Variants in STARD3 observed in about 807,000 individuals in gnomAD.
STARD3 encodes stAR-related lipid transfer protein 3.
STARD3 carries 39 observed loss-of-function variants against 62.0 expected under a neutral mutation model. The observed-to-expected ratio is 0.63, with a 90% CI of 0.49 to 0.82. STARD3 has a LOEUF of 0.82. Among genes scored for constraint, STARD3 ranks in the 40% least tolerant of loss-of-function variants. The probability of loss-of-function intolerance (pLI) is 0.00; values close to 1 mark genes in which losing one functional copy is unlikely to be tolerated. For synonymous variants in STARD3, 229 were observed against 242.4 expected (o/e 0.94, Z 0.51); for missense variants, 543 against 584.5 (o/e 0.93, Z 0.73).
At chr17:39,646,131 A>C (rs1423866086) in intron 1 of STARD3, among the ~76,000 whole-genome samples, 1 of 151,880 alleles carries the variant, frequency 6.6e-6, no homozygotes, top group Non-Finnish European at 1.5e-5. Context: ...ACCTCAGGTG[A>C]TCACCTGCCT....
intron 6 of STARD3, 98 bp downstream of exon 6, chr17:39,658,620 C>T (rs551645059): frequency 6.4e-7 from 1 of 1,571,706 alleles, no homozygotes; most frequent in Non-Finnish European, 8.7e-7. Flanking sequence ...ATCTCGCCAC[C>T]TCTGAGCAGC....
At chr17:39,653,316 C>G (rs1057179537) in intron 1 of STARD3, 165 bp from the exon 2 acceptor site, 1 of 605,384 alleles carries the variant, frequency 1.7e-6, no homozygotes, top group Non-Finnish European at 2.9e-6. Flanking sequence ...AACCCTGCAG[C>G]CTGGGAGCCA....
intron 1 of STARD3, chr17:39,653,273 CA>C (rs2057094210): frequency 1.8e-6 from 1 of 563,536 alleles, no homozygotes; most frequent in East Asian, 3.0e-5. Context: ...CAGGGAGCAC[CA>C]GGAAGGAGGA....
chr17:39,659,577 C>T, intron 9 of STARD3, 24 bp downstream of exon 9: 1 of 1,607,888 alleles, frequency 6.2e-7, no homozygotes, highest in South Asian at 1.1e-5. Flanking sequence ...TCCCACCTGA[C>T]CTTCCCATGC....
intron 1 of STARD3, among the ~76,000 whole-genome samples, chr17:39,648,872 C>T (rs1047104038): frequency 6.6e-6 from 1 of 152,166 alleles, no homozygotes; most frequent in Non-Finnish European, 1.5e-5. Flanking sequence ...ACTCCAAGTG[C>T]GTCTCACACC....
chr17:39,651,417 CA>C, intron 1 of STARD3, among the ~76,000 whole-genome samples: 1 of 152,204 alleles, frequency 6.6e-6, no homozygotes, highest in Non-Finnish European at 1.5e-5. Context: ...AGATCAGGGA[CA>C]AACATCTAGA....
intron 2 of STARD3, 46 bp downstream of exon 2, chr17:39,653,796 C>G (rs570311294): frequency 6.2e-7 from 1 of 1,606,318 alleles, no homozygotes; most frequent in East Asian, 2.2e-5. Context: ...GCAGGCCACC[C>G]GGGCCTCAGT....
intron 4 of STARD3, 54 bp from the exon 5 acceptor site, chr17:39,657,919 A>G (rs1465719560): frequency 7.4e-6 from 12 of 1,612,036 alleles, no homozygotes; most frequent in African/African-American, 5.3e-5. Flanking sequence ...GGGATGGAGG[A>G]GGACTCACTT....
Position 39,661,003 on chromosome 17 carries a change from A to G in STARD3, c.1057A>G (p.Ile353Val), listed in dbSNP as rs2057191509. 1 of 1,613,656 alleles carries G rather than the reference A, an allele frequency of 6.2e-7. No homozygotes were observed. Among genetic ancestry groups the G allele is most frequent in the South Asian group, 1.1e-5 (1 of 91,086 alleles). ...CAGGGACTTCGTGAATGTCCGGCGCATTGAGCGGCGCAGGGACCGATACTT... is the reference window on the plus strand; with the variant it reads ...CAGGGACTTCGTGAATGTCCGGCGCGTTGAGCGGCGCAGGGACCGATACTT... Reference protein sequence around the residue: ...SPRDFVNVRRIERRRDRYLSS... With the variant: ...SPRDFVNVRRVERRRDRYLSS... The change falls in exon 13 of 15, where the codon ATT becomes GTT. Residue 353 changes from isoleucine (I) to valine (V), a missense_variant. Coordinates refer to ENST00000336308, the MANE Select transcript of STARD3 (RefSeq NM_006804.4).
rs2057134770 is a variant in STARD3, at chr17:39,656,810, A to G, written c.220-198A>G. 8.6e-6 allele frequency: 5 copies of G among 582,452 alleles called. No individual in the cohort carries two copies. The South Asian group carries it at 1.0e-4, about 12-fold the overall frequency. 36.1% of individuals were successfully genotyped at this position (582,452 alleles called of 1,614,324 possible). On this transcript the variant is annotated intron_variant, in intron 2 of 14. Transcript: ENST00000336308. ...TCGGGGCGGCCTGGATCCTTAGAGG[A>G]CTGGTATTGGTGCCTGAGGTCTCTG...
At chr17:39,643,509 G>C (rs1282035662) in intron 1 of STARD3, among the ~76,000 whole-genome samples, 1 of 152,158 alleles carries the variant, frequency 6.6e-6, no homozygotes, top group Non-Finnish European at 1.5e-5. Flanking sequence ...TGGCCAGCTG[G>C]ATCTGTGTCT....
At chr17:39,648,012 G>A (rs371452515) in intron 1 of STARD3, among the ~76,000 whole-genome samples, 71 of 152,148 alleles carry the variant, frequency 4.7e-4, no homozygotes, top group African/African-American at 1.5e-3. Flanking sequence ...ATGGCCGGCC[G>A]CGGTGGCTCA....
chr17:39,639,393 G>C (rs1246317367), intron 1 of STARD3, among the ~76,000 whole-genome samples: 1 of 152,240 alleles, frequency 6.6e-6, no homozygotes, highest in Non-Finnish European at 1.5e-5. Flanking sequence ...ATTAAATCTA[G>C]AGAAATGTAT....
At chr17:39,639,243 C>T (rs1265131026) in intron 1 of STARD3, among the ~76,000 whole-genome samples, 1 of 152,120 alleles carries the variant, frequency 6.6e-6, no homozygotes, top group Non-Finnish European at 1.5e-5. Context: ...TGGCTCTTTG[C>T]CAATAAATAA....
At chr17:39,659,017 C>G (rs766991293) in intron 7 of STARD3, 34 bp from the exon 8 acceptor site, 1 of 1,613,918 alleles carries the variant, frequency 6.2e-7, no homozygotes, top group East Asian at 2.2e-5. Context: ...TCTCCCCACC[C>G]CTTGCCATTG....
At chr17:39,638,413 C>T (rs1035386558) in intron 1 of STARD3, among the ~76,000 whole-genome samples, 6 of 152,216 alleles carry the variant, frequency 3.9e-5, no homozygotes, top group African/African-American at 1.4e-4. Flanking sequence ...CTAGCAGTCT[C>T]CTGTGTGCAC....
At chr17:39,649,865 C>CAAAAAA (rs10713558) in intron 1 of STARD3, among the ~76,000 whole-genome samples, 2 of 85,002 alleles carry the variant, frequency 2.4e-5, no homozygotes, top group African/African-American at 9.7e-5. Context: ...GACTCCGTCT[C>CAAAAAA]AAAAAAAAAA....
intron 9 of STARD3, chr17:39,659,808 G>T: frequency 2.0e-6 from 1 of 493,906 alleles, no homozygotes; most frequent in Non-Finnish European, 3.6e-6. Context: ...AGGCTTTGAA[G>T]GGGAAGCCAG....
chr17:39,644,338 G>A lies in STARD3; in HGVS notation c.-52+7107G>A, dbSNP rs116259123. On this transcript the variant is annotated intron_variant, in intron 1 of 14. Transcript: ENST00000336308. ...GCTAGGAGGTGGGGAAGAGCCAGGA[G>A]ACTCGAAGTGGTGGTGGTAGTTAAT... is the stretch of plus-strand genomic sequence containing the variant. Among the ~76,000 whole-genome samples, 720 of 152,252 alleles carry A rather than the reference G, an allele frequency of 4.7e-3. 4 individuals are homozygous for A. Among genetic ancestry groups the A allele is most frequent in the African/African-American group, 0.017 (690 of 41,554 alleles).
Sources: gnomAD v4.1 joint callset for allele counts (sites outside exome capture counted in the v4.1 genomes callset) on GRCh38, gnomAD v4.1.1 for gene constraint, MANE v1.5 for transcripts, NCBI Gene and HGNC (gene_info 2026-07-23, HGNC 2026-07-21) for gene names.